ZNF780B: variants seen among roughly 807,000 people sequenced by gnomAD.
ZNF780B encodes the protein zinc finger protein 780B, also known as zinc finger protein 779.
In ZNF780B, 52 loss-of-function variants were observed where a neutral mutation model predicts 74.1. The observed-to-expected ratio is 0.70, with a 90% CI of 0.56 to 0.88. The LOEUF is 0.88. Ranked by LOEUF, ZNF780B falls within the 40% of genes least tolerant of loss-of-function variation. The pLI, the probability that ZNF780B is intolerant of heterozygous loss-of-function variation, is 0.00. For missense variants in ZNF780B, 953 were observed against 1,007.6 expected (o/e 0.95, Z 0.73); for synonymous variants, 315 against 324.3 (o/e 0.97, Z 0.31).
intron 3 of ZNF780B, among the ~76,000 whole-genome samples, chr19:40,048,443 G>A (rs1327852096): frequency 1.3e-5 from 2 of 152,136 alleles, no homozygotes; most frequent in East Asian, 3.8e-4. Context: ...AGAGAGAGAG[G>A]GGATTACAGA....
chr19:40,034,361 C>T lies in ZNF780B; in HGVS notation c.2498G>A (p.Gly833Glu), dbSNP rs1229844626. ...ATTCCTTACATTCAAAGGTTTTCAC[C>T]CAAGTATGAATTTTCTGATGTTCAG... ...NLLNIRKFILG is the reference protein window; with the variant it reads ...NLLNIRKFILE The change falls in exon 5 of 5, where the codon GGG (glycine) becomes GAG (glutamate). Residue 833 changes from glycine to glutamate, a missense_variant. Gly to Glu is a moderately conservative substitution (Grantham distance 98). Coordinates refer to ENST00000434248, the MANE Select transcript of ZNF780B (RefSeq NM_001005851.3). The T allele has an allele frequency of 1.9e-6, 3 of 1,594,834 alleles. No individual in the cohort carries two copies. The highest frequency in any genetic ancestry group is 2.6e-6 in the Non-Finnish European group (3 of 1,169,504).
At chr19:40,037,888 T>G (rs907561296) in intron 4 of ZNF780B, among the ~76,000 whole-genome samples, 1 of 150,074 alleles carries the variant, frequency 6.7e-6, no homozygotes, top group Non-Finnish European at 1.5e-5. Context: ...TTTTTTTTTT[T>G]TCTGTTTATA....
chr19:40,033,204 ATAT>A lies in ZNF780B; in HGVS notation c.*1150_*1152del, dbSNP rs1972072746. On this transcript the variant is annotated 3_prime_UTR_variant, in exon 5 of 5. Transcript: ENST00000434248. ...AGATTTAACAATGAAAAAGTTTGAA[ATAT>A]TATGAAAACTAGCAAAGTGTGACAC... 6.5e-6 allele frequency: 1 copy of A among 154,738 alleles called. No homozygotes were observed. Among genetic ancestry groups the A allele is most frequent in the Admixed American group, 6.5e-5 (1 of 15,288 alleles). The allele number at this position is 154,738 out of a possible 1,614,324, so 9.6% of individuals were successfully genotyped here.
chr19:40,053,223 A>G (rs1973318810), intron 1 of ZNF780B, among the ~76,000 whole-genome samples: 1 of 152,250 alleles, frequency 6.6e-6, no homozygotes, highest in Admixed American at 6.5e-5. Flanking sequence ...ACTCAACAGC[A>G]AGAAAACAAC....
At chr19:40,038,929 G>A (rs1330463611) in intron 4 of ZNF780B, among the ~76,000 whole-genome samples, 1 of 151,996 alleles carries the variant, frequency 6.6e-6, no homozygotes, top group African/African-American at 2.4e-5. Flanking sequence ...GATCCCATTT[G>A]TCAATTTTGG....
At chr19:40,039,631 C>T (rs1972532510) in intron 4 of ZNF780B, among the ~76,000 whole-genome samples, 1 of 152,034 alleles carries the variant, frequency 6.6e-6, no homozygotes, top group African/African-American at 2.4e-5. Context: ...CCTTCACATC[C>T]CTTGTAAGTT....
At chr19:40,049,569 C>T (rs759752319) in intron 2 of ZNF780B, among the ~76,000 whole-genome samples, 1 of 152,302 alleles carries the variant, frequency 6.6e-6, no homozygotes. Flanking sequence ...CACCTTGTCA[C>T]GCTTGCAGAC....
chr19:40,037,235 T>A (rs1396806488), intron 4 of ZNF780B, among the ~76,000 whole-genome samples: 1 of 151,334 alleles, frequency 6.6e-6, no homozygotes, highest in Non-Finnish European at 1.5e-5. Context: ...TTTTTTTTTT[T>A]TAAGAGACAG....
intron 4 of ZNF780B, among the ~76,000 whole-genome samples, chr19:40,046,591 G>A (rs141190745): frequency 1.3e-5 from 2 of 152,276 alleles, no homozygotes; most frequent in African/African-American, 4.8e-5. Flanking sequence ...ATGCAAGCAA[G>A]CCCACTTCCA....
At position 40,034,536 on chromosome 19, in the gene ZNF780B, G is replaced by A. The variant is rs1362630887; in HGVS notation, c.2323C>T (p.His775Tyr). The change falls in exon 5 of 5, where the codon CAT becomes TAT. Residue 775 changes from histidine (H) to tyrosine (Y), a missense_variant. Physicochemically the swap from His to Tyr is moderately conservative, Grantham distance 83. Coordinates refer to ENST00000434248, the MANE Select transcript of ZNF780B (RefSeq NM_001005851.3). ...CATTCATAGGGTTTCTCACCAGTATGAATACTCTGAGGTTGAACAAGGTTT... is the reference window on the plus strand; with the variant it reads ...CATTCATAGGGTTTCTCACCAGTATAAATACTCTGAGGTTGAACAAGGTTT... The part of the protein sequence containing the change: ...GSNLVQPQSI[H>Y]TGEKPYECKE... The A allele has an allele frequency of 6.2e-7, 1 of 1,613,918 alleles. No homozygotes were observed. The highest frequency in any genetic ancestry group is 1.3e-5 in the African/African-American group (1 of 74,976).
rs1215285821 is a variant in ZNF780B, at chr19:40,035,114, T to C, written c.1745A>G (p.Lys582Arg). The C allele has an allele frequency of 6.2e-7, 1 of 1,613,690 alleles. No individual in the cohort carries two copies. Among genetic ancestry groups the C allele is most frequent in the South Asian group, 1.1e-5 (1 of 90,936 alleles). ...LNQHRSIHTG[K>R]KPFECKECGK... ...ACATTCCTTACATTCAAAGGGTTTC[T>C]TTCCGGTATGAATACTTCGATGTTG... The change falls in exon 5 of 5, where the codon AAG becomes AGG. Residue 582 changes from lysine (K) to arginine (R), a missense_variant. Coordinates refer to ENST00000434248, the MANE Select transcript of ZNF780B (RefSeq NM_001005851.3).
Position 40,035,480 on chromosome 19 carries a change from A to C in ZNF780B, c.1379T>G (p.Leu460Arg). ...CEMAFRYHYQ[L>R]IQHCQIHTGG... is the part of the protein sequence containing the mutation. ...AGTATGAATTTGGCAATGTTGAATA[A>C]GTTGGTAATGATATCGAAAGGCCAT... Residue 460 changes from leucine to arginine, a missense_variant, in exon 5 of 5, where the codon CTT (leucine) becomes CGT (arginine). By Grantham distance (102) the Leu-to-Arg change is moderately radical (BLOSUM62 -2). Coordinates refer to ENST00000434248, the MANE Select transcript of ZNF780B (RefSeq NM_001005851.3). 6.2e-7 allele frequency: 1 copy of C among 1,614,206 alleles called. No individual in the cohort carries two copies. Among genetic ancestry groups the C allele is most frequent in the Admixed American group, 1.7e-5 (1 of 60,026 alleles).
intron 4 of ZNF780B, among the ~76,000 whole-genome samples, chr19:40,039,231 G>T (rs1972510569): frequency 6.6e-6 from 1 of 152,208 alleles, no homozygotes; most frequent in Admixed American, 6.5e-5. Flanking sequence ...TAGATAGGCA[G>T]CATTATTTCT....
chr19:40,045,220 G>C (rs1279692803), intron 4 of ZNF780B, among the ~76,000 whole-genome samples: 1 of 152,058 alleles, frequency 6.6e-6, no homozygotes, highest in African/African-American at 2.4e-5. Flanking sequence ...AGAGCAAAAG[G>C]GAGAGAGATA....
chr19:40,038,990 C>T (rs1213853278), intron 4 of ZNF780B, among the ~76,000 whole-genome samples: 1 of 152,172 alleles, frequency 6.6e-6, no homozygotes, highest in African/African-American at 2.4e-5. Flanking sequence ...CTTGCCCATG[C>T]CTATGTCCTG....
rs1972114315 is a variant in ZNF780B, at chr19:40,034,141, T to C, written c.*216A>G. ...ATGAATTTTAACATGTTTAACAGGT[T>C]TGAACTATGACTAAAGGCTTTCCCA... On this transcript the variant is annotated 3_prime_UTR_variant, in exon 5 of 5. Transcript: ENST00000434248. The C allele has an allele frequency of 4.7e-6, 3 of 632,638 alleles. No individual in the cohort carries two copies. The East Asian group carries it at 8.1e-5, about 17-fold the overall frequency. The allele number at this position is 632,638 out of a possible 1,614,324, so 39.2% of individuals were successfully genotyped here.
Position 40,033,248 on chromosome 19 carries a change from G to A in ZNF780B, c.*1109C>T, listed in dbSNP as rs1972074433. 1 of 154,866 alleles carries A rather than the reference G, an allele frequency of 6.5e-6. No homozygotes were observed. Among genetic ancestry groups the A allele is most frequent in the South Asian group, 2.0e-4 (1 of 4,924 alleles). The allele number at this position is 154,866 out of a possible 1,614,324, so 9.6% of individuals were successfully genotyped here. ...AGTGTGACACAAAGACATGAAATGT[G>A]CATATGCTGTTTGGAAAATGGTGCT... On this transcript the variant is annotated 3_prime_UTR_variant, in exon 5 of 5. Transcript: ENST00000434248.
intron 4 of ZNF780B, among the ~76,000 whole-genome samples, chr19:40,042,466 A>G (rs562734144): frequency 6.6e-6 from 1 of 152,198 alleles, no homozygotes; most frequent in African/African-American, 2.4e-5. Flanking sequence ...TGGATTGGGG[A>G]AGTTCTCCTG....
chr19:40,039,472 G>A (rs1689885418), intron 4 of ZNF780B, among the ~76,000 whole-genome samples: 1 of 151,804 alleles, frequency 6.6e-6, no homozygotes, highest in Non-Finnish European at 1.5e-5. Flanking sequence ...GCTTGATGGG[G>A]ATGGCATTGA....
Sources: gnomAD v4.1 joint callset for allele counts (sites outside exome capture counted in the v4.1 genomes callset) on GRCh38, gnomAD v4.1.1 for gene constraint, MANE v1.5 for transcripts, NCBI Gene and HGNC (gene_info 2026-07-23, HGNC 2026-07-21) for gene names.